PTPRT: variants seen among roughly 807,000 people sequenced by gnomAD.
PTPRT encodes receptor-type tyrosine-protein phosphatase T.
Under a neutral mutation model 176.8 loss-of-function variants are expected in PTPRT, and 56 were observed. The ratio of observed to expected loss-of-function variants is 0.32; its 90% CI spans 0.26 to 0.40. PTPRT has a LOEUF of 0.40. Ranked by LOEUF, PTPRT falls within the 10% of genes least tolerant of loss-of-function variation. The probability of loss-of-function intolerance (pLI) is 1.00; values close to 1 mark genes in which losing one functional copy is unlikely to be tolerated. For synonymous variants in PTPRT, 783 were observed against 739.0 expected (o/e 1.06, Z -0.96); for missense variants, 1,540 against 1,908.2 (o/e 0.81, Z 3.60).
At chr20:42,714,712 TG>T (rs1460009748) in intron 6 of PTPRT, among the ~76,000 whole-genome samples, 1 of 152,206 alleles carries the variant, frequency 6.6e-6, no homozygotes, top group Non-Finnish European at 1.5e-5. Flanking sequence ...GCTTTCTGCC[TG>T]GTGGTTATTT....
rs570602078 is a variant in PTPRT at position 42,693,224 on chromosome 20, A to G, written c.860-15065T>C. Among the ~76,000 whole-genome samples, 9 of 152,344 alleles carry G rather than the reference A, an allele frequency of 5.9e-5. No homozygotes were observed. The South Asian group carries it at 1.9e-3, about 32-fold the overall frequency. ...CTGGGATACATTTTTAAAGATCCAAATAAATGGAGAGATATTCCATGCTCA... is the reference window on the plus strand; with the variant it reads ...CTGGGATACATTTTTAAAGATCCAAGTAAATGGAGAGATATTCCATGCTCA... On this transcript the variant is annotated intron_variant, in intron 6 of 30. Transcript: ENST00000373187.
At chr20:42,847,929 C>T (rs2078403649) in intron 2 of PTPRT, among the ~76,000 whole-genome samples, 2 of 152,118 alleles carry the variant, frequency 1.3e-5, no homozygotes, top group African/African-American at 4.8e-5. Context: ...TTGGTGTACC[C>T]ATCACCCTAG....
At chr20:42,193,016 C>A (rs1991059359) in intron 16 of PTPRT, among the ~76,000 whole-genome samples, 1 of 152,210 alleles carries the variant, frequency 6.6e-6, no homozygotes, top group South Asian at 2.1e-4. Flanking sequence ...CCTGTCTCTC[C>A]TTCACTCGCC....
At chr20:42,350,522 C>A in intron 11 of PTPRT, 106 bp downstream of exon 11, 3 of 974,932 alleles carry the variant, frequency 3.1e-6, no homozygotes, top group Admixed American at 1.8e-5. Flanking sequence ...AAGCTTTGTT[C>A]CTGGCCAGTC....
intron 7 of PTPRT, among the ~76,000 whole-genome samples, chr20:42,550,187 C>A (rs1315954075): frequency 6.6e-6 from 1 of 152,172 alleles, no homozygotes; most frequent in East Asian, 1.9e-4. Flanking sequence ...ACCTCCCCAA[C>A]TTTCTTGCCA....
chr20:42,042,815 C>G, the PTPRT span, among the ~76,000 whole-genome samples: 1 of 152,240 alleles, frequency 6.6e-6, no homozygotes, highest in Non-Finnish European at 1.5e-5. Flanking sequence ...AGAATTTGCT[C>G]TAGTCAGGAC....
chr20:42,645,762 T>TTGTGTGTGTGTGTGTG (rs1324109060), intron 7 of PTPRT, among the ~76,000 whole-genome samples: 2 of 127,864 alleles, frequency 1.6e-5, no homozygotes, highest in African/African-American at 6.3e-5. Flanking sequence ...GGATGTGTAT[T>TTGTGTGTGTGTGTGTG]TATGTGTGTG....
intron 7 of PTPRT, among the ~76,000 whole-genome samples, chr20:42,555,202 T>C (rs1166216889): frequency 6.6e-6 from 1 of 152,116 alleles, no homozygotes; most frequent in Non-Finnish European, 1.5e-5. Flanking sequence ...GAAGGAAGGA[T>C]TTAATGCTCA....
At chr20:42,173,813 C>A (rs1412277148) in intron 16 of PTPRT, among the ~76,000 whole-genome samples, 1 of 152,114 alleles carries the variant, frequency 6.6e-6, no homozygotes, top group Non-Finnish European at 1.5e-5. Flanking sequence ...GAAATATAAG[C>A]CCTTTTTGGT....
intron 7 of PTPRT, among the ~76,000 whole-genome samples, chr20:42,481,026 CT>C (rs113393465): frequency 0.014 from 1,933 of 142,990 alleles, 17 homozygotes; most frequent in African/African-American, 0.032. Context: ...AGTAGGTGAG[CT>C]TTTTTTTTTT....
chr20:42,893,274 T>G (rs1159133302), intron 1 of PTPRT, among the ~76,000 whole-genome samples: 1 of 152,196 alleles, frequency 6.6e-6, no homozygotes, highest in Admixed American at 6.5e-5. Context: ...TCATCATCAC[T>G]GGCCATCAGA....
chr20:42,411,536 A>AGG, intron 9 of PTPRT, among the ~76,000 whole-genome samples: 1 of 147,782 alleles, frequency 6.8e-6, no homozygotes, highest in African/African-American at 2.5e-5. Flanking sequence ...AAAAAAAAAA[A>AGG]AAAAGAAAAA....
rs140662061 is a variant in PTPRT at position 42,565,608 on chromosome 20, C to T, written c.1154-93046G>A. Among the ~76,000 whole-genome samples, 144 of 152,168 alleles carry T rather than the reference C, an allele frequency of 9.5e-4. 1 individual carries two copies. Among genetic ancestry groups the T allele is most frequent in the Middle Eastern group, 6.8e-3 (2 of 294 alleles). On this transcript the variant is annotated intron_variant, in intron 7 of 30. Coordinates refer to ENST00000373187, the MANE Select transcript of PTPRT (RefSeq NM_007050.6). ...TAGAATGAACGAATTTGGGGAAAAG[C>T]CTAACTTTTAAATTAAACAGTTGTA... is the stretch of plus-strand genomic sequence containing the variant.
chr20:42,518,713 A>G (rs2145487246), intron 7 of PTPRT, among the ~76,000 whole-genome samples: 1 of 151,844 alleles, frequency 6.6e-6, no homozygotes, highest in Admixed American at 6.6e-5. Flanking sequence ...TGTTCCATTA[A>G]TTTTTGTTCT....
chr20:42,349,412 T>C (rs2058244011), intron 11 of PTPRT, among the ~76,000 whole-genome samples: 1 of 152,240 alleles, frequency 6.6e-6, no homozygotes, highest in South Asian at 2.1e-4. Flanking sequence ...TACAGCTCAG[T>C]GTCCCCACTG....
intron 7 of PTPRT, among the ~76,000 whole-genome samples, chr20:42,671,862 C>T (rs1347072874): frequency 1.3e-5 from 2 of 152,152 alleles, no homozygotes; most frequent in African/African-American, 4.8e-5. Flanking sequence ...ACTTAAATTG[C>T]TTTCATCAGT....
intron 7 of PTPRT, among the ~76,000 whole-genome samples, chr20:42,563,454 A>G (rs2072986751): frequency 6.6e-6 from 1 of 152,204 alleles, no homozygotes. Context: ...TATTCCTATG[A>G]TGATCAAACA....
intron 1 of PTPRT, among the ~76,000 whole-genome samples, chr20:43,084,035 G>A (rs1212263380): frequency 1.3e-5 from 2 of 152,138 alleles, no homozygotes; most frequent in African/African-American, 2.4e-5. Context: ...TTATCCATTT[G>A]CCAGCTGATG....
At chr20:42,392,193 T>C (rs1278447639) in intron 9 of PTPRT, among the ~76,000 whole-genome samples, 2 of 152,212 alleles carry the variant, frequency 1.3e-5, no homozygotes, top group Non-Finnish European at 2.9e-5. Context: ...TTAAACTCAC[T>C]CAGTTCTAAC....
Sources: allele counts gnomAD v4.1 joint callset (sites outside exome capture counted in the v4.1 genomes callset), GRCh38; gene constraint gnomAD v4.1.1; transcripts MANE v1.5; gene names NCBI Gene and HGNC (gene_info 2026-07-23, HGNC 2026-07-21).